RABGEF1: variants seen among roughly 807,000 people sequenced by gnomAD.
RABGEF1 encodes the protein RAB guanine nucleotide exchange factor 1.
RABGEF1 carries 26 observed loss-of-function variants against 57.3 expected under a neutral mutation model. That is an observed-to-expected ratio of 0.45 (90% CI 0.33 to 0.63). The LOEUF (loss-of-function observed/expected upper bound fraction) is 0.63, where lower values mean the gene tolerates loss of function less well. RABGEF1 is among the 20% of genes least tolerant of loss of function. The pLI is 0.02. For missense variants in RABGEF1, 464 were observed against 607.6 expected (o/e 0.76, Z 2.48); for synonymous variants, 185 against 210.7 (o/e 0.88, Z 1.06).
chr7:66,735,997 G>C (rs1287755679), upstream of RABGEF1, among the ~76,000 whole-genome samples: 1 of 152,164 alleles, frequency 6.6e-6, no homozygotes, highest in Non-Finnish European at 1.5e-5. Context: ...TTATTGAGTA[G>C]AGGTGGTTGC....
chr7:66,721,138 C>A (rs577244091), intron 2 of RABGEF1, among the ~76,000 whole-genome samples: 1 of 152,238 alleles, frequency 6.6e-6, no homozygotes, highest in East Asian at 1.9e-4. Flanking sequence ...AGGCTGCTCT[C>A]GAACTCCCGA....
upstream of RABGEF1, among the ~76,000 whole-genome samples, chr7:66,737,228 G>GT (rs1269859821): frequency 6.6e-6 from 1 of 151,804 alleles, no homozygotes; most frequent in East Asian, 1.9e-4. Flanking sequence ...ATTTTTAGGT[G>GT]TTTTTTTGTT....
chr7:66,776,153 G>A (rs1169883893), intron 3 of RABGEF1, among the ~76,000 whole-genome samples: 1 of 152,094 alleles, frequency 6.6e-6, no homozygotes, highest in Non-Finnish European at 1.5e-5. Flanking sequence ...AAATAATGAG[G>A]GAGACTGGGA....
intron 4 of RABGEF1, among the ~76,000 whole-genome samples, chr7:66,793,687 A>G (rs1305363850): frequency 8.6e-6 from 1 of 116,324 alleles, no homozygotes; most frequent in African/African-American, 2.8e-5. Context: ...GTGTGCATGT[A>G]TATGGGTAAC....
chr7:66,750,002 A>C lies in RABGEF1; in HGVS notation c.-18+9210A>C, dbSNP rs1004934705. Among the ~76,000 whole-genome samples, 5 of 152,150 alleles carry C rather than the reference A, an allele frequency of 3.3e-5. No homozygotes were observed. In the South Asian group the frequency reaches 6.2e-4, roughly 19 times the overall value. On this transcript the variant is annotated intron_variant, in intron 1 of 8. Coordinates refer to ENST00000284957, the MANE Select transcript of RABGEF1 (RefSeq NM_014504.3). ...AACAAACAAACAAAACTACAGAATA[A>C]TGAAATAGAATGTCCAAAATTTATC... is the stretch of plus-strand genomic sequence containing the variant.
intron 2 of RABGEF1, among the ~76,000 whole-genome samples, chr7:66,713,081 C>T (rs568084951): frequency 2.0e-4 from 31 of 151,886 alleles, no homozygotes; most frequent in Non-Finnish European, 4.1e-4. Context: ...TCCCAAAGTG[C>T]TGGGATTATA....
At chr7:66,787,614 G>A (rs561986498) in intron 4 of RABGEF1, among the ~76,000 whole-genome samples, 5 of 152,164 alleles carry the variant, frequency 3.3e-5, no homozygotes, top group Non-Finnish European at 7.4e-5. Context: ...CAATGTGCCG[G>A]GATTACAGGA....
At chr7:66,804,603 C>T (rs1291654453) in intron 7 of RABGEF1, among the ~76,000 whole-genome samples, 1 of 151,944 alleles carries the variant, frequency 6.6e-6, no homozygotes, top group Non-Finnish European at 1.5e-5. Context: ...GGTGTGGTGG[C>T]GGGCATCTGT....
In RABGEF1 at chr7:66,690,896, C is replaced by T. The variant is rs557588336; in HGVS notation, c.-873+8638C>T. ...ATCAGGGGTTGGAGACCAGCCTGGC[C>T]AACATGGTGAAACTCTGTCTCTACT... On this transcript the variant is annotated intron_variant and NMD_transcript_variant, in intron 1 of 9. Transcript: ENST00000607882. Among the ~76,000 whole-genome samples, 50 of 149,234 alleles carry T rather than the reference C, an allele frequency of 3.4e-4. No individual in the cohort carries two copies. In the East Asian group the frequency reaches 9.9e-3, roughly 29 times the overall value.
intron 2 of RABGEF1, among the ~76,000 whole-genome samples, chr7:66,722,589 C>T (rs553662286): frequency 3.2e-4 from 48 of 152,292 alleles, no homozygotes; most frequent in Middle Eastern, 6.8e-3. Flanking sequence ...AAACCATTGC[C>T]TAATTCAAGG....
intron 1 of RABGEF1, among the ~76,000 whole-genome samples, chr7:66,682,896 G>C (rs1456931703): frequency 6.6e-6 from 1 of 152,200 alleles, no homozygotes; most frequent in African/African-American, 2.4e-5. Context: ...TGCCCATCAC[G>C]GCAGTTTAGG....
the RABGEF1 span, chr7:66,667,462 T>A: frequency 8.5e-5 from 13 of 152,246 alleles, no homozygotes; most frequent in Admixed American, 8.5e-4. Flanking sequence ...TCACTCACCC[T>A]CCTCCCTCAC....
chr7:66,770,645 A>G (rs557175373), intron 1 of RABGEF1, among the ~76,000 whole-genome samples: 1 of 152,072 alleles, frequency 6.6e-6, no homozygotes, highest in East Asian at 1.9e-4. Flanking sequence ...CATCACTCCC[A>G]GCTAGTTGTT....
At chr7:66,724,420 C>T (rs185219808) in intron 2 of RABGEF1, among the ~76,000 whole-genome samples, 13 of 151,624 alleles carry the variant, frequency 8.6e-5, no homozygotes, top group African/African-American at 2.9e-4. Flanking sequence ...AGTGCAGTGG[C>T]GCGATCTCGG....
chr7:66,803,746 G>A (rs1389332153), intron 7 of RABGEF1, among the ~76,000 whole-genome samples: 13 of 152,094 alleles, frequency 8.5e-5, no homozygotes, highest in South Asian at 2.1e-4. Flanking sequence ...AAAATTAGCC[G>A]GGCGTGGTGG....
At chr7:66,718,115 G>C (rs1795607412) in intron 2 of RABGEF1, among the ~76,000 whole-genome samples, 1 of 151,936 alleles carries the variant, frequency 6.6e-6, no homozygotes, top group Non-Finnish European at 1.5e-5. Flanking sequence ...GGCTGAAGCG[G>C]GCAGATCACC....
chr7:66,738,014 G>GT (rs759479602), upstream of RABGEF1, among the ~76,000 whole-genome samples: 29 of 139,966 alleles, frequency 2.1e-4, no homozygotes, highest in South Asian at 9.7e-4. Context: ...TGTGTTTTTT[G>GT]TTTTTTTTGT....
intron 1 of RABGEF1, among the ~76,000 whole-genome samples, chr7:66,759,718 A>G (rs755652144): frequency 2.0e-5 from 3 of 152,192 alleles, no homozygotes; most frequent in African/African-American, 4.8e-5. Context: ...ACGTTTAAAC[A>G]ACCAGATCTC....
chr7:66,673,631 A>C, the RABGEF1 span, among the ~76,000 whole-genome samples: 4 of 151,500 alleles, frequency 2.6e-5, no homozygotes, highest in Admixed American at 2.6e-4. Context: ...GTATTAGGTC[A>C]TAGACTAAGC....
Sources: allele counts gnomAD v4.1 joint callset (sites outside exome capture counted in the v4.1 genomes callset), GRCh38; gene constraint gnomAD v4.1.1; transcripts MANE v1.5; gene names NCBI Gene and HGNC (gene_info 2026-07-23, HGNC 2026-07-21).